PTPN4: variants seen among roughly 807,000 people sequenced by gnomAD.
PTPN4 encodes the protein protein tyrosine phosphatase non-receptor type 4.
In PTPN4, 49 loss-of-function variants were observed where a neutral mutation model predicts 135.5. That is an observed-to-expected ratio of 0.36 (90% CI 0.29 to 0.46). PTPN4 has a LOEUF of 0.46. Among genes scored for constraint, PTPN4 ranks in the 20% least tolerant of loss-of-function variants. The pLI is 1.00. For synonymous variants in PTPN4, 333 were observed against 369.9 expected (o/e 0.90, Z 1.14); for missense variants, 860 against 1,101.0 (o/e 0.78, Z 3.10).
chr2:119,920,508 TA>T (rs1252200308), intron 12 of PTPN4, among the ~76,000 whole-genome samples: 1 of 152,204 alleles, frequency 6.6e-6, no homozygotes, highest in Non-Finnish European at 1.5e-5. Flanking sequence ...TTATTTACAA[TA>T]AAGACAGATG....
chr2:119,862,409 C>CA (rs936914052), intron 2 of PTPN4, 127 bp from the exon 3 acceptor site: 3 of 746,392 alleles, frequency 4.0e-6, no homozygotes, highest in Middle Eastern at 2.7e-4. Flanking sequence ...ATTTTTCACA[C>CA]AAAAAACGTT....
At chr2:119,850,344 G>A (rs1306878897) in intron 2 of PTPN4, among the ~76,000 whole-genome samples, 2 of 152,212 alleles carry the variant, frequency 1.3e-5, no homozygotes, top group Admixed American at 1.3e-4. Flanking sequence ...TCTGCCCTAT[G>A]AGTAAGCTGA....
intron 15 of PTPN4, among the ~76,000 whole-genome samples, chr2:119,943,580 CTTTTTTTTTTTT>C (rs70949374): frequency 2.3e-4 from 18 of 79,922 alleles, no homozygotes; most frequent in African/African-American, 8.5e-4. Flanking sequence ...TCATTTTTTT[CTTTTTTTTTTTT>C]TTTTTTTTTT....
intron 2 of PTPN4, among the ~76,000 whole-genome samples, chr2:119,848,179 C>CTTTTTT (rs560299244): frequency 7.2e-6 from 1 of 138,814 alleles, no homozygotes; most frequent in Non-Finnish European, 1.6e-5. Flanking sequence ...TTTTCTTTTT[C>CTTTTTT]TTTTTTTTTT....
chr2:119,946,654 A>G lies in PTPN4; in HGVS notation c.1656+80A>G, dbSNP rs1679137079. ...TTATAATTCTTACTAGTTTAAATAA[A>G]ACAAGGAATTTCATCATTTCTTTTA... On this transcript the variant is annotated intron_variant, in intron 18 of 26. Transcript: ENST00000263708. 2.7e-6 allele frequency: 3 copies of G among 1,112,008 alleles called. No homozygotes were observed. In the East Asian group the frequency reaches 7.9e-5, roughly 29 times the overall value. The allele number at this position is 1,112,008 out of a possible 1,614,324, so 68.9% of individuals were successfully genotyped here.
At chr2:119,962,534 T>C (rs918978268) in intron 23 of PTPN4, 82 bp from the exon 24 acceptor site, 25 of 854,758 alleles carry the variant, frequency 2.9e-5, no homozygotes, top group Non-Finnish European at 3.4e-5. Context: ...TTGAAATTTA[T>C]TAAAAAAACA....
chr2:119,787,918 T>C (rs985710943), intron 1 of PTPN4, among the ~76,000 whole-genome samples: 11 of 152,170 alleles, frequency 7.2e-5, no homozygotes, highest in Admixed American at 5.9e-4. Flanking sequence ...TAAAGACTAG[T>C]ATTAGACATT....
At chr2:119,843,146 C>T (rs543655502) in intron 2 of PTPN4, among the ~76,000 whole-genome samples, 1 of 149,110 alleles carries the variant, frequency 6.7e-6, no homozygotes, top group African/African-American at 2.5e-5. Flanking sequence ...AAATTTTAAA[C>T]AAATAAACTA....
At chr2:119,768,504 T>A (rs1012810437) in intron 1 of PTPN4, among the ~76,000 whole-genome samples, 3 of 152,348 alleles carry the variant, frequency 2.0e-5, no homozygotes, top group Admixed American at 1.3e-4. Context: ...TATGCCTATG[T>A]ACAGGTATTT....
In PTPN4 at chr2:119,977,094, G is replaced by T; in HGVS notation, c.*24G>T. ...AAGAAAGCAAAAAGATCTGGGATAT[G>T]TGTTGGAAAACTGCTTTCCCTTATG... On this transcript the variant is annotated 3_prime_UTR_variant, in exon 27 of 27. Transcript: ENST00000263708. 1.3e-6 allele frequency: 2 copies of T among 1,576,660 alleles called. No individual in the cohort carries two copies.
chr2:119,858,993 A>AT (rs1019710371), intron 2 of PTPN4, among the ~76,000 whole-genome samples: 53 of 149,898 alleles, frequency 3.5e-4, no homozygotes, highest in African/African-American at 8.6e-4. Flanking sequence ...TTCATTGATT[A>AT]TTTTTTTTCT....
At chr2:119,916,831 A>G (rs1426859722) in intron 11 of PTPN4, 2 of 152,322 alleles carry the variant, frequency 1.3e-5, no homozygotes, top group East Asian at 1.9e-4. Flanking sequence ...ATGTTGTTGC[A>G]TATAACATTA....
In PTPN4 at chr2:119,984,158, A is replaced by G. The variant is rs1311037052; in HGVS notation, c.*7088A>G. Among the ~76,000 whole-genome samples, 1 of 152,254 alleles carries G rather than the reference A, an allele frequency of 6.6e-6. No individual in the cohort carries two copies. The highest frequency in any genetic ancestry group is 1.9e-4 in the East Asian group (1 of 5,208). On this transcript the variant is annotated 3_prime_UTR_variant, in exon 27 of 27. Coordinates refer to ENST00000263708, the MANE Select transcript of PTPN4 (RefSeq NM_002830.4). ...AATCTATGTTGTAATCTTTTCAAAT[A>G]AGAAAAGCTACTCCTTATTCTCTAC... is the stretch of plus-strand genomic sequence containing the variant.
At position 119,956,879 on chromosome 2, in the gene PTPN4, C is replaced by T. The variant is rs1337243623; in HGVS notation, c.2016C>T (p.Ser672=). Residue 672 remains serine, a synonymous_variant, in exon 21 of 27, where the codon TCC becomes TCT. Coordinates refer to ENST00000263708, the MANE Select transcript of PTPN4 (RefSeq NM_002830.4). The part of the protein sequence containing the change: ...LYRKKPGMTM[S]CAKLPQNISK... ...GGAAAAAACCTGGAATGACAATGTC[C>T]TGTGCCAAATTACCTCAGAATATTT... 3.7e-6 allele frequency: 6 copies of T among 1,605,742 alleles called. No homozygotes were observed. The highest frequency in any genetic ancestry group is 2.2e-5 in the East Asian group (1 of 44,586).
intron 26 of PTPN4, among the ~76,000 whole-genome samples, chr2:119,968,206 T>G (rs557379936): frequency 6.6e-6 from 1 of 152,222 alleles, no homozygotes; most frequent in South Asian, 2.1e-4. Context: ...TATCTATGCC[T>G]GCTTTGATAT....
chr2:119,952,894 C>T (rs909475247), intron 19 of PTPN4, among the ~76,000 whole-genome samples: 1 of 152,218 alleles, frequency 6.6e-6, no homozygotes, highest in African/African-American at 2.4e-5. Flanking sequence ...GTCATTCCAT[C>T]TTTGGATAGC....
At chr2:119,957,923 G>A (rs1297164785) in intron 22 of PTPN4, among the ~76,000 whole-genome samples, 1 of 152,104 alleles carries the variant, frequency 6.6e-6, no homozygotes, top group Non-Finnish European at 1.5e-5. Flanking sequence ...AAGGAAATAT[G>A]TGAAAATTGT....
chr2:119,772,775 G>A (rs1362688487), intron 1 of PTPN4, among the ~76,000 whole-genome samples: 2 of 152,180 alleles, frequency 1.3e-5, no homozygotes, highest in East Asian at 1.9e-4. Context: ...CTGACCTCAA[G>A]TGATCCACCT....
At chr2:119,761,878 C>T (rs1690512881) in intron 1 of PTPN4, among the ~76,000 whole-genome samples, 1 of 152,114 alleles carries the variant, frequency 6.6e-6, no homozygotes, top group Admixed American at 6.5e-5. Flanking sequence ...TAGAAAATCA[C>T]GAGTTCCTCA....
Sources: gnomAD v4.1 joint callset for allele counts (sites outside exome capture counted in the v4.1 genomes callset) on GRCh38, gnomAD v4.1.1 for gene constraint, MANE v1.5 for transcripts, NCBI Gene and HGNC (gene_info 2026-07-23, HGNC 2026-07-21) for gene names.